RAP1GDS1: variants seen among roughly 807,000 people sequenced by gnomAD.
RAP1GDS1 encodes Rap1 GTPase-GDP dissociation stimulator 1, also known as RAP1, GTP-GDP dissociation stimulator 1.
In RAP1GDS1, 35 loss-of-function variants were observed where a neutral mutation model predicts 71.1. The ratio of observed to expected loss-of-function variants is 0.49; its 90% CI spans 0.38 to 0.65. The LOEUF is 0.65. Among genes scored for constraint, RAP1GDS1 ranks in the 30% least tolerant of loss-of-function variants. RAP1GDS1 has a pLI of 0.00. For missense variants in RAP1GDS1, 663 were observed against 706.1 expected (o/e 0.94, Z 0.69); for synonymous variants, 229 against 243.1 (o/e 0.94, Z 0.54).
In RAP1GDS1 at chr4:98,442,425, T is replaced by C. The variant is rs549116134; in HGVS notation, c.*308T>C. 3.7e-5 allele frequency: 10 copies of C among 267,430 alleles called. No individual in the cohort carries two copies. In the Admixed American group the frequency reaches 5.1e-4, roughly 14 times the overall value. 16.6% of individuals were successfully genotyped at this position (267,430 alleles called of 1,614,324 possible). ...TGTAAACTTGGTACTACATAATGAC[T>C]TGCTCCACACATGCAGTAAACTACA... is the stretch of plus-strand genomic sequence containing the variant. On this transcript the variant is annotated 3_prime_UTR_variant, in exon 15 of 15. Coordinates refer to ENST00000408927, the MANE Select transcript of RAP1GDS1 (RefSeq NM_001100427.2).
chr4:98,400,816 C>T (rs534316735), intron 6 of RAP1GDS1, among the ~76,000 whole-genome samples: 3 of 152,076 alleles, frequency 2.0e-5, no homozygotes, highest in Non-Finnish European at 4.4e-5. Flanking sequence ...CACAGTGTAC[C>T]CCATATACAA....
chr4:98,301,672 A>G (rs1385330663), intron 2 of RAP1GDS1, among the ~76,000 whole-genome samples: 50 of 152,160 alleles, frequency 3.3e-4, no homozygotes, highest in Admixed American at 3.2e-3. Context: ...GGGTAATAGC[A>G]CACAATGAAA....
chr4:98,414,037 A>G (rs912369553), intron 7 of RAP1GDS1, among the ~76,000 whole-genome samples: 21 of 152,076 alleles, frequency 1.4e-4, no homozygotes, highest in Non-Finnish European at 2.5e-4. Flanking sequence ...GTGTGTGTTC[A>G]TGTCCTTCGC....
At chr4:98,312,363 C>T (rs758988034) in intron 2 of RAP1GDS1, among the ~76,000 whole-genome samples, 1 of 152,074 alleles carries the variant, frequency 6.6e-6, no homozygotes, top group Admixed American at 6.5e-5. Flanking sequence ...ATGTTGATCC[C>T]TAATCATCTT....
chr4:98,393,945 C>T (rs1438363739), intron 6 of RAP1GDS1, among the ~76,000 whole-genome samples: 1 of 152,182 alleles, frequency 6.6e-6, no homozygotes, highest in African/African-American at 2.4e-5. Flanking sequence ...TTTTTGCTCT[C>T]ATTATATTTC....
intron 1 of RAP1GDS1, among the ~76,000 whole-genome samples, chr4:98,265,000 G>A (rs1722527309): frequency 6.6e-6 from 1 of 152,190 alleles, no homozygotes. Flanking sequence ...CCAAGCTGAA[G>A]AATTTTAATC....
intron 2 of RAP1GDS1, among the ~76,000 whole-genome samples, chr4:98,300,085 C>T (rs1201097472): frequency 1.3e-5 from 2 of 152,122 alleles, no homozygotes; most frequent in Admixed American, 6.6e-5. Flanking sequence ...GAAATGCTAT[C>T]GAACAGCATT....
rs536103234 is a variant in RAP1GDS1, at chr4:98,261,546, C to T, written c.-20C>T. Reference sequence around the variant, plus strand: ...AGACCTTCGCCTCGCCCCGCCGGTTCCTCACCCTCGGGGAGCAACATGGGT... The same window carrying T: ...AGACCTTCGCCTCGCCCCGCCGGTTTCTCACCCTCGGGGAGCAACATGGGT... On this transcript the variant is annotated 5_prime_UTR_variant, in exon 1 of 15. Coordinates refer to ENST00000408927, the MANE Select transcript of RAP1GDS1 (RefSeq NM_001100427.2). The T allele has an allele frequency of 2.2e-4, 358 of 1,599,920 alleles. 3 individuals carry two copies. Among genetic ancestry groups the T allele is most frequent in the South Asian group, 1.7e-3 (155 of 89,454 alleles).
intron 1 of RAP1GDS1, among the ~76,000 whole-genome samples, chr4:98,280,374 T>A (rs1326510254): frequency 1.3e-5 from 2 of 152,384 alleles, no homozygotes; most frequent in African/African-American, 4.8e-5. Context: ...GATGAGCATT[T>A]TTTCATGTGT....
chr4:98,317,275 C>T (rs1280597560), intron 2 of RAP1GDS1, among the ~76,000 whole-genome samples: 2 of 152,022 alleles, frequency 1.3e-5, no homozygotes, highest in African/African-American at 2.4e-5. Flanking sequence ...CAGCATTTGT[C>T]GTAGGTATTA....
intron 2 of RAP1GDS1, among the ~76,000 whole-genome samples, chr4:98,328,200 G>C (rs978808598): frequency 3.9e-5 from 6 of 152,152 alleles, no homozygotes; most frequent in Admixed American, 3.9e-4. Context: ...AATAGCACAG[G>C]CATTTTCTTA....
At chr4:98,360,981 G>A (rs1738657086) in intron 4 of RAP1GDS1, among the ~76,000 whole-genome samples, 1 of 151,552 alleles carries the variant, frequency 6.6e-6, no homozygotes, top group Non-Finnish European at 1.5e-5. Flanking sequence ...CCAGCTTTGG[G>A]AGGCTGGGGC....
At chr4:98,363,025 G>T (rs943826785) in intron 4 of RAP1GDS1, among the ~76,000 whole-genome samples, 1 of 152,066 alleles carries the variant, frequency 6.6e-6, no homozygotes, top group Non-Finnish European at 1.5e-5. Context: ...CTACAGAAAA[G>T]ATATTTATAG....
intron 4 of RAP1GDS1, among the ~76,000 whole-genome samples, chr4:98,357,541 C>T (rs1578570953): frequency 6.6e-6 from 1 of 151,794 alleles, no homozygotes; most frequent in African/African-American, 2.4e-5. Flanking sequence ...AAGCTCTAAA[C>T]ACAAGCATAT....
At chr4:98,325,174 C>T (rs1250516560) in intron 2 of RAP1GDS1, among the ~76,000 whole-genome samples, 7 of 151,778 alleles carry the variant, frequency 4.6e-5, no homozygotes, top group African/African-American at 1.5e-4. Flanking sequence ...TGAAAAAATG[C>T]TCACCATCAC....
chr4:98,319,399 A>G (rs147281381), intron 2 of RAP1GDS1, among the ~76,000 whole-genome samples: 13 of 152,224 alleles, frequency 8.5e-5, no homozygotes, highest in African/African-American at 2.9e-4. Context: ...GTTTCCTCAT[A>G]CTTTTTATGA....
chr4:98,307,534 A>C (rs549810534), intron 2 of RAP1GDS1, among the ~76,000 whole-genome samples: 7 of 152,108 alleles, frequency 4.6e-5, no homozygotes, highest in African/African-American at 1.7e-4. Flanking sequence ...TCTTATTCTA[A>C]TCTTCTTTTT....
Position 98,434,182 on chromosome 4 carries a change from C to T in RAP1GDS1, c.1567+120C>T, listed in dbSNP as rs555493581. 130 of 1,177,400 alleles carry T rather than the reference C, an allele frequency of 1.1e-4. No individual in the cohort carries two copies. In the East Asian group the frequency reaches 1.7e-3, roughly 16 times the overall value. The allele number at this position is 1,177,400 out of a possible 1,614,324, so 72.9% of individuals were successfully genotyped here. A position where few individuals can be genotyped will look rare whatever the true frequency, so the allele number is the denominator to read the frequency against. On this transcript the variant is annotated intron_variant, in intron 13 of 14. Transcript: ENST00000408927. The stretch of plus-strand genomic sequence containing the variant: ...GGAAGCATTTTGCTAGTGTCTGTAC[C>T]GTTCTCTGAATCTATGGAAAATCAT...
intron 2 of RAP1GDS1, among the ~76,000 whole-genome samples, chr4:98,307,113 T>G (rs540142589): frequency 1.3e-5 from 2 of 152,078 alleles, no homozygotes; most frequent in East Asian, 3.9e-4. Flanking sequence ...ATGGTACATG[T>G]GAGGACTTAA....
Sources: gnomAD v4.1 joint callset for allele counts (sites outside exome capture counted in the v4.1 genomes callset) on GRCh38, gnomAD v4.1.1 for gene constraint, MANE v1.5 for transcripts, NCBI Gene and HGNC (gene_info 2026-07-23, HGNC 2026-07-21) for gene names.